SCN1A: variants seen among roughly 807,000 people sequenced by gnomAD.
The protein encoded by SCN1A is sodium voltage-gated channel alpha subunit 1, also known as sodium channel protein type 1 subunit alpha.
SCN1A carries 13 observed loss-of-function variants against 193.7 expected under a neutral mutation model. The ratio of observed to expected loss-of-function variants is 0.07; its 90% CI spans 0.04 to 0.11. The LOEUF (loss-of-function observed/expected upper bound fraction) is 0.11, where lower values mean the gene tolerates loss of function less well. SCN1A is among the 10% of genes least tolerant of loss of function. The pLI, the probability that SCN1A is intolerant of heterozygous loss-of-function variation, is 1.00. For missense variants in SCN1A, 1,432 were observed against 2,451.1 expected (o/e 0.58, Z 8.78); for synonymous variants, 781 against 843.6 (o/e 0.93, Z 1.29).
intron 1 of SCN1A, among the ~76,000 whole-genome samples, chr2:166,146,805 G>A (rs1692340358): frequency 6.6e-6 from 1 of 152,118 alleles, no homozygotes; most frequent in African/African-American, 2.4e-5. Flanking sequence ...GTTCTAAAAT[G>A]GAACTGTTGG....
chr2:166,136,915 T>G (rs1691883243), intron 1 of SCN1A, among the ~76,000 whole-genome samples: 1 of 152,216 alleles, frequency 6.6e-6, no homozygotes, highest in Non-Finnish European at 1.5e-5. Context: ...TGCTAATGCC[T>G]GTCTTGGGCT....
At chr2:166,089,292 T>C (rs1451176769) in intron 2 of SCN1A, among the ~76,000 whole-genome samples, 1 of 152,128 alleles carries the variant, frequency 6.6e-6, no homozygotes, top group Non-Finnish European at 1.5e-5. Context: ...CAAATATAAC[T>C]GGACAGTTTG....
chr2:165,985,145 C>G (rs1688531931), downstream of SCN1A: 1 of 151,792 alleles, frequency 6.6e-6, no homozygotes, highest in African/African-American at 2.4e-5. Context: ...CAAAAAGGAT[C>G]AGTCAAGAGG....
rs121917913 is a variant in SCN1A, at chr2:166,002,491, T to C, written c.4265A>G (p.Tyr1422Cys). 7 of 1,611,330 alleles carry C rather than the reference T, an allele frequency of 4.3e-6. No homozygotes were observed. The highest frequency in any genetic ancestry group is 5.9e-6 in the Non-Finnish European group (7 of 1,178,408). Residue 1422 changes from tyrosine to cysteine, a missense_variant, in exon 24 of 29, where the codon TAT becomes TGT. Physicochemically the swap from Tyr to Cys is radical, Grantham distance 194 (BLOSUM62 -2). Transcript: ENST00000674923. The part of the protein sequence containing the change: ...KVNFDNVGFG[Y>C]LSLLQVATFK... The stretch of plus-strand genomic sequence containing the variant: ...ACTTACAACTTGAAGCAAAGAGAGA[T>C]ACCCAAATCCTACATTATCAAAGTT...
At chr2:166,132,964 A>G (rs1691718755), upstream of SCN1A, among the ~76,000 whole-genome samples, 1 of 152,056 alleles carries the variant, frequency 6.6e-6, no homozygotes, top group East Asian at 1.9e-4. Flanking sequence ...TACAGATTTG[A>G]TTCTGAAGTA....
At chr2:166,089,842 A>G (rs1284758958) in intron 2 of SCN1A, among the ~76,000 whole-genome samples, 1 of 152,124 alleles carries the variant, frequency 6.6e-6, no homozygotes, top group Admixed American at 6.6e-5. Context: ...TAAATGTTAA[A>G]ACCAGTGGCA....
chr2:166,006,479 TAAG>T lies in SCN1A; in HGVS notation c.4002+3237_4002+3239del, dbSNP rs542725920. On this transcript the variant is annotated intron_variant, in intron 23 of 28. Coordinates refer to ENST00000674923, the MANE Select transcript of SCN1A (RefSeq NM_001165963.4). Reference sequence around the variant, plus strand: ...AAAGTTAGTTGGGAGTTACTTATTCTAAGAAGTGAGTTTATGCCTTAAATTTTA... The same window carrying T: ...AAAGTTAGTTGGGAGTTACTTATTCTAAGTGAGTTTATGCCTTAAATTTTA... Among the ~76,000 whole-genome samples, 50 of 151,574 alleles carry T rather than the reference TAAG, an allele frequency of 3.3e-4. No individual in the cohort carries two copies. In the South Asian group the frequency reaches 0.01, roughly 31 times the overall value.
At chr2:166,057,865 C>T (rs1699285105) in intron 5 of SCN1A, among the ~76,000 whole-genome samples, 1 of 151,900 alleles carries the variant, frequency 6.6e-6, no homozygotes, top group Non-Finnish European at 1.5e-5. Flanking sequence ...TGAATTTAGT[C>T]GTGGAGTCCT....
intron 14 of SCN1A, among the ~76,000 whole-genome samples, chr2:166,043,276 G>A (rs901852169): frequency 6.6e-5 from 10 of 152,150 alleles, no homozygotes; most frequent in Non-Finnish European, 1.5e-4. Context: ...CTAAACTAAA[G>A]CAGAGATCTT....
At chr2:166,033,442 T>C (rs1220869729) in intron 19 of SCN1A, among the ~76,000 whole-genome samples, 2 of 144,950 alleles carry the variant, frequency 1.4e-5, no homozygotes, top group African/African-American at 5.2e-5. Context: ...CCGGGTGCAG[T>C]AGCTCACACC....
chr2:165,995,895 G>C (rs1206800095), intron 27 of SCN1A, 118 bp downstream of exon 27: 2 of 705,676 alleles, frequency 2.8e-6, no homozygotes, highest in Admixed American at 2.3e-5. Flanking sequence ...TTTAGATGAT[G>C]CTCTACAAGT....
chr2:166,116,067 C>T (rs1007006636), intron 2 of SCN1A, among the ~76,000 whole-genome samples: 1 of 152,168 alleles, frequency 6.6e-6, no homozygotes, highest in Non-Finnish European at 1.5e-5. Context: ...TAAGGTAGAT[C>T]GACCATGGGG....
intron 5 of SCN1A, 47 bp from the exon 6 acceptor site, chr2:166,056,547 G>A: frequency 1.5e-6 from 2 of 1,353,694 alleles, no homozygotes; most frequent in Non-Finnish European, 2.1e-6. Context: ...AAATCCAAGT[G>A]TTATATTACA....
At chr2:166,124,377 C>G (rs1690993362) in intron 2 of SCN1A, among the ~76,000 whole-genome samples, 1 of 151,762 alleles carries the variant, frequency 6.6e-6, no homozygotes, top group South Asian at 2.1e-4. Flanking sequence ...AGTGAAACCC[C>G]ATCTCTACAA....
chr2:166,015,652 C>A lies in SCN1A; in HGVS notation c.3505G>T (p.Val1169Leu). 1.2e-6 allele frequency: 2 copies of A among 1,612,972 alleles called. No homozygotes were observed. The highest frequency in any genetic ancestry group is 1.7e-6 in the Non-Finnish European group (2 of 1,179,074). Reference protein sequence around the residue: ...IGAPVEEQPVVEPEETLEPEA... With the variant: ...IGAPVEEQPVLEPEETLEPEA... Reference sequence around the variant, plus strand: ...GGTTCAAGAGTTTCTTCAGGTTCCACTACGGGCTGTTCTTCTACAGGTGCG... The same window carrying A: ...GGTTCAAGAGTTTCTTCAGGTTCCAATACGGGCTGTTCTTCTACAGGTGCG... The change falls in exon 20 of 29, where the codon GTG becomes TTG. Residue 1169 changes from valine to leucine, a missense_variant. Coordinates refer to ENST00000674923, the MANE Select transcript of SCN1A (RefSeq NM_001165963.4).
At chr2:166,095,067 C>A (rs1687229745) in intron 2 of SCN1A, among the ~76,000 whole-genome samples, 1 of 152,140 alleles carries the variant, frequency 6.6e-6, no homozygotes. Flanking sequence ...AGAAAACAAA[C>A]AAATAAGCTC....
At chr2:166,046,309 A>G (rs1331641612) in intron 12 of SCN1A, among the ~76,000 whole-genome samples, 2 of 152,174 alleles carry the variant, frequency 1.3e-5, no homozygotes, top group Admixed American at 1.3e-4. Flanking sequence ...AGATCATTAT[A>G]TTATTTGATC....
intron 6 of SCN1A, 33 bp downstream of exon 6, chr2:166,056,378 A>G: frequency 7.9e-7 from 1 of 1,263,920 alleles, no homozygotes; most frequent in Non-Finnish European, 1.2e-6. Flanking sequence ...TCCCAAATGT[A>G]TATATGTTAT....
At chr2:166,064,251 A>G (rs2105940583) in intron 4 of SCN1A, among the ~76,000 whole-genome samples, 1 of 152,292 alleles carries the variant, frequency 6.6e-6, no homozygotes, top group African/African-American at 2.4e-5. Flanking sequence ...ATCTCACTTG[A>G]AAACAGAATA....
Sources: allele counts gnomAD v4.1 joint callset (sites outside exome capture counted in the v4.1 genomes callset), GRCh38; gene constraint gnomAD v4.1.1; transcripts MANE v1.5; gene names NCBI Gene and HGNC (gene_info 2026-07-23, HGNC 2026-07-21).